Variants in BCKDHB observed in about 807,000 individuals in gnomAD.
BCKDHB encodes branched chain keto acid dehydrogenase E1 subunit beta.
Under a neutral mutation model 48.5 loss-of-function variants are expected in BCKDHB, and 41 were observed. That is an observed-to-expected ratio of 0.85 (90% CI 0.66 to 1.10). BCKDHB has a LOEUF of 1.10. Among genes scored for constraint, BCKDHB ranks in the 50% least tolerant of loss-of-function variants. BCKDHB has a pLI of 0.00. For synonymous variants in BCKDHB, 201 were observed against 174.8 expected, an observed-to-expected ratio of 1.15 and a Z score of -1.18; for missense variants, 496 against 494.2, an observed-to-expected ratio of 1.00 and a Z score of -0.03.
intron 9 of BCKDHB, among the ~76,000 whole-genome samples, chr6:80,322,540 G>C: frequency 6.6e-6 from 1 of 152,030 alleles, no homozygotes; most frequent in African/African-American, 2.4e-5. Flanking sequence ...CCTGGCAGAC[G>C]TGTGTTTTCT....
intron 8 of BCKDHB, among the ~76,000 whole-genome samples, chr6:80,225,366 G>A (rs1324881418): frequency 2.0e-5 from 3 of 152,162 alleles, no homozygotes; most frequent in Non-Finnish European, 4.4e-5. Flanking sequence ...ATGTTAAGCA[G>A]ATGCACATAT....
chr6:80,390,250 C>A, the BCKDHB span, among the ~76,000 whole-genome samples: 1 of 152,136 alleles, frequency 6.6e-6, no homozygotes, highest in African/African-American at 2.4e-5. Context: ...CAATGGGAAG[C>A]TACAACAGCC....
intron 8 of BCKDHB, among the ~76,000 whole-genome samples, chr6:80,222,760 G>A (rs1261954200): frequency 2.0e-5 from 3 of 152,154 alleles, no homozygotes; most frequent in Non-Finnish European, 4.4e-5. Flanking sequence ...TTTTTAGGAT[G>A]TGGCTAAGAA....
chr6:80,431,445 G>A, the BCKDHB span, among the ~76,000 whole-genome samples: 2 of 152,240 alleles, frequency 1.3e-5, no homozygotes, highest in East Asian at 1.9e-4. Flanking sequence ...CTATTATTGT[G>A]TGGGAGTCTA....
chr6:80,206,520 T>A (rs1774668155), intron 8 of BCKDHB, among the ~76,000 whole-genome samples: 1 of 150,744 alleles, frequency 6.6e-6, no homozygotes. Context: ...GGTAAGAGGG[T>A]GGAGAATTAC....
At chr6:80,108,246 A>C (rs566961613) in intron 1 of BCKDHB, among the ~76,000 whole-genome samples, 1 of 151,304 alleles carries the variant, frequency 6.6e-6, no homozygotes, top group South Asian at 2.1e-4. Context: ...TGTAGATATA[A>C]TTTACTTGGA....
chr6:80,464,530 A>C, the BCKDHB span, among the ~76,000 whole-genome samples: 1 of 152,172 alleles, frequency 6.6e-6, no homozygotes, highest in East Asian at 1.9e-4. Flanking sequence ...ATAATTGCTC[A>C]ATTGCCTTAT....
the BCKDHB span, among the ~76,000 whole-genome samples, chr6:80,437,236 C>G: frequency 1.3e-5 from 2 of 152,198 alleles, no homozygotes; most frequent in East Asian, 3.9e-4. Flanking sequence ...AAAATTCTTA[C>G]ATGGTTAAAA....
chr6:80,307,766 C>T, intron 9 of BCKDHB: 1 of 982,496 alleles, frequency 1.0e-6, no homozygotes, highest in Non-Finnish European at 1.2e-6. Flanking sequence ...GAAGATGAAG[C>T]ACACACTTCA....
At chr6:80,116,193 A>G (rs1298819767) in intron 1 of BCKDHB, among the ~76,000 whole-genome samples, 1 of 151,936 alleles carries the variant, frequency 6.6e-6, no homozygotes, top group Admixed American at 6.6e-5. Flanking sequence ...TCCCTTTAAC[A>G]CTGCTGCATA....
chr6:80,107,338 A>G (rs2127700140), intron 1 of BCKDHB, among the ~76,000 whole-genome samples: 1 of 146,006 alleles, frequency 6.8e-6, no homozygotes, highest in African/African-American at 2.5e-5. Context: ...TATTATATAT[A>G]TTATATATAA....
intron 9 of BCKDHB, among the ~76,000 whole-genome samples, chr6:80,342,972 G>A (rs184870169): frequency 1.3e-5 from 2 of 152,202 alleles, no homozygotes; most frequent in East Asian, 1.9e-4. Context: ...TGCCGAGTTC[G>A]GTGCTTTGGG....
chr6:80,274,254 G>A (rs1354978151), intron 9 of BCKDHB, among the ~76,000 whole-genome samples: 1 of 151,862 alleles, frequency 6.6e-6, no homozygotes, highest in Non-Finnish European at 1.5e-5. Context: ...TTAAAAACTA[G>A]ATCAAAGTAA....
chr6:80,294,722 G>A (rs950352925), intron 9 of BCKDHB, among the ~76,000 whole-genome samples: 8 of 152,110 alleles, frequency 5.3e-5, no homozygotes, highest in Non-Finnish European at 7.4e-5. Context: ...GAAGAACTCC[G>A]CTCTGGTAAA....
At chr6:80,246,316 C>T (rs1451666039) in intron 8 of BCKDHB, among the ~76,000 whole-genome samples, 1 of 152,108 alleles carries the variant, frequency 6.6e-6, no homozygotes, top group Non-Finnish European at 1.5e-5. Context: ...CTGGTCGTCC[C>T]TCGCCTCCCC....
intron 8 of BCKDHB, among the ~76,000 whole-genome samples, chr6:80,245,580 A>G (rs1776577645): frequency 6.6e-6 from 1 of 152,168 alleles, no homozygotes; most frequent in Non-Finnish European, 1.5e-5. Context: ...CACAGCATCT[A>G]GTTGAGACTA....
chr6:80,391,825 A>T, the BCKDHB span, among the ~76,000 whole-genome samples: 1 of 152,168 alleles, frequency 6.6e-6, no homozygotes, highest in Non-Finnish European at 1.5e-5. Flanking sequence ...TATTCTCTGC[A>T]CATTGCTGTA....
chr6:80,142,488 A>G (rs1771271625), intron 3 of BCKDHB, among the ~76,000 whole-genome samples: 1 of 152,118 alleles, frequency 6.6e-6, no homozygotes. Flanking sequence ...CTTTTCTTTC[A>G]GATCTAATAA....
the BCKDHB span, among the ~76,000 whole-genome samples, chr6:80,459,559 G>A: frequency 2.6e-5 from 4 of 152,128 alleles, no homozygotes; most frequent in African/African-American, 4.8e-5. Flanking sequence ...GCTGTACAAC[G>A]TTGTACTTAT....
Sources: allele counts gnomAD v4.1 joint callset (sites outside exome capture counted in the v4.1 genomes callset), GRCh38; gene constraint gnomAD v4.1.1; transcripts MANE v1.5; gene names NCBI Gene and HGNC (gene_info 2026-07-23, HGNC 2026-07-21).